FOXN3: variants seen among roughly 807,000 people sequenced by gnomAD.
The protein encoded by FOXN3 is forkhead box N3.
In FOXN3, 7 loss-of-function variants were observed where a neutral mutation model predicts 38.4. That is an observed-to-expected ratio of 0.18 (90% CI 0.10 to 0.34). The LOEUF (loss-of-function observed/expected upper bound fraction) is 0.34, where lower values mean the gene tolerates loss of function less well. Ranked by LOEUF, FOXN3 falls within the 10% of genes least tolerant of loss-of-function variation. FOXN3 has a pLI of 1.00. For synonymous variants in FOXN3, 230 were observed against 242.2 expected, an observed-to-expected ratio of 0.95 and a Z score of 0.47; for missense variants, 456 against 613.4, an observed-to-expected ratio of 0.74 and a Z score of 2.71.
chr14:89,298,272 G>C (rs1566950092), intron 3 of FOXN3, among the ~76,000 whole-genome samples: 1 of 152,104 alleles, frequency 6.6e-6, no homozygotes, highest in East Asian at 1.9e-4. Flanking sequence ...TGGTTGCCAG[G>C]AACTAGGTGG....
rs554257913 is a variant in FOXN3 at position 89,364,199 on chromosome 14, G to C, written c.544-13391C>G. Among the ~76,000 whole-genome samples, 5 of 150,214 alleles carry C rather than the reference G, an allele frequency of 3.3e-5. No individual in the cohort carries two copies. The East Asian group carries it at 9.7e-4, about 29-fold the overall frequency. On this transcript the variant is annotated intron_variant, in intron 2 of 5. Coordinates refer to ENST00000557258, the MANE Select transcript of FOXN3 (RefSeq NM_005197.4). The stretch of plus-strand genomic sequence containing the variant: ...ACTGATTACAAAGAATTTTTTTCTA[G>C]ATACCTTATTGTCTATTCCCATAAC...
At chr14:89,403,085 A>T (rs1596254621) in intron 2 of FOXN3, among the ~76,000 whole-genome samples, 1 of 152,336 alleles carries the variant, frequency 6.6e-6, no homozygotes, top group East Asian at 1.9e-4. Flanking sequence ...TGATCGGCAC[A>T]CTTCCAGTAC....
At chr14:89,170,813 A>G (rs1480405868) in intron 5 of FOXN3, among the ~76,000 whole-genome samples, 3 of 152,236 alleles carry the variant, frequency 2.0e-5, no homozygotes, top group Non-Finnish European at 4.4e-5. Flanking sequence ...TGGCAATTAG[A>G]AAATACTTAT....
chr14:89,490,167 CT>C (rs1471385120), intron 1 of FOXN3, among the ~76,000 whole-genome samples: 1 of 152,168 alleles, frequency 6.6e-6, no homozygotes, highest in Non-Finnish European at 1.5e-5. Context: ...TTTTTCCACT[CT>C]TTTTAAGGGT....
chr14:89,510,670 C>T (rs1278328037), intron 1 of FOXN3, among the ~76,000 whole-genome samples: 9 of 152,064 alleles, frequency 5.9e-5, no homozygotes, highest in Non-Finnish European at 1.0e-4. Flanking sequence ...AGACTAGGCA[C>T]GGTGGCTCAC....
intron 1 of FOXN3, among the ~76,000 whole-genome samples, chr14:89,551,645 G>A (rs1019354331): frequency 1.3e-5 from 2 of 152,050 alleles, no homozygotes; most frequent in South Asian, 2.1e-4. Flanking sequence ...TAGTCCCCTC[G>A]CGGCAGGTCC....
chr14:89,197,522 C>T (rs955557711), intron 4 of FOXN3, among the ~76,000 whole-genome samples: 22 of 151,302 alleles, frequency 1.5e-4, no homozygotes, highest in Non-Finnish European at 2.4e-4. Flanking sequence ...AAAAAGAGCA[C>T]GGGTACATGG....
chr14:89,436,843 CTGAACTTAAAAG>C (rs1210377217), intron 1 of FOXN3, among the ~76,000 whole-genome samples: 1 of 152,170 alleles, frequency 6.6e-6, no homozygotes, highest in Non-Finnish European at 1.5e-5. Flanking sequence ...TACATTATCA[CTGAACTTAAAAG>C]TATGGCTTAG....
intron 1 of FOXN3, among the ~76,000 whole-genome samples, chr14:89,569,200 G>A (rs1255133949): frequency 1.3e-5 from 2 of 148,882 alleles, no homozygotes; most frequent in Non-Finnish European, 3.0e-5. Flanking sequence ...GCGAGACTCC[G>A]TCTCAAAGAA....
At chr14:89,185,905 A>G (rs1362912981) in intron 4 of FOXN3, 1 of 152,334 alleles carries the variant, frequency 6.6e-6, no homozygotes, top group East Asian at 1.9e-4. Flanking sequence ...AAATGGGATA[A>G]CGCAATCCTG....
intron 1 of FOXN3, among the ~76,000 whole-genome samples, chr14:89,445,150 T>G (rs4904581): frequency 6.7e-6 from 1 of 149,970 alleles, no homozygotes; most frequent in South Asian, 2.1e-4. Flanking sequence ...TAAAATAAAA[T>G]AAAAAAAAGT....
At chr14:89,443,213 C>T (rs1018992985) in intron 1 of FOXN3, among the ~76,000 whole-genome samples, 2 of 152,190 alleles carry the variant, frequency 1.3e-5, no homozygotes, top group Non-Finnish European at 2.9e-5. Context: ...ACAGAATATG[C>T]ATTTTAAACG....
intron 3 of FOXN3, among the ~76,000 whole-genome samples, chr14:89,309,111 A>G (rs1887459295): frequency 6.6e-6 from 1 of 152,160 alleles, no homozygotes; most frequent in African/African-American, 2.4e-5. Flanking sequence ...TTATATTCAG[A>G]AATCCAAACT....
chr14:89,516,669 C>T (rs1596305101), intron 1 of FOXN3, among the ~76,000 whole-genome samples: 1 of 150,786 alleles, frequency 6.6e-6, no homozygotes, highest in South Asian at 2.1e-4. Flanking sequence ...TCAAGCTATC[C>T]TCTCACCTCA....
intron 2 of FOXN3, among the ~76,000 whole-genome samples, chr14:89,394,979 G>A (rs1481814266): frequency 6.6e-6 from 1 of 152,208 alleles, no homozygotes; most frequent in Non-Finnish European, 1.5e-5. Context: ...GCTATGGAAA[G>A]GCTCTTCTGC....
At chr14:89,317,892 T>C (rs916898723) in intron 3 of FOXN3, among the ~76,000 whole-genome samples, 1 of 149,742 alleles carries the variant, frequency 6.7e-6, no homozygotes, top group Non-Finnish European at 1.5e-5. Flanking sequence ...TACTGTGAAC[T>C]GCACATGTGA....
At chr14:89,439,511 A>G (rs1892334267) in intron 1 of FOXN3, among the ~76,000 whole-genome samples, 1 of 152,176 alleles carries the variant, frequency 6.6e-6, no homozygotes, top group South Asian at 2.1e-4. Context: ...CCATGGCAAC[A>G]TCAGGAAGTT....
Position 89,592,084 on chromosome 14 carries a change from A to C in FOXN3, c.-15+26944T>G, listed in dbSNP as rs543333495. Among the ~76,000 whole-genome samples the C allele has an allele frequency of 8.9e-4, 135 of 152,310 alleles. 1 individual carries two copies. Among genetic ancestry groups the C allele is most frequent in the African/African-American group, 3.1e-3 (130 of 41,578 alleles). Reference sequence around the variant, plus strand: ...CAAGAAACATTTAGGAAAAACTTAAAAGGTCTTGGAAATAAAACATATGAA... The same window carrying C: ...CAAGAAACATTTAGGAAAAACTTAACAGGTCTTGGAAATAAAACATATGAA... On this transcript the variant is annotated intron_variant, in intron 1 of 6. Transcript: ENST00000345097.
chr14:89,290,016 C>T (rs1886817137), intron 3 of FOXN3, among the ~76,000 whole-genome samples: 1 of 152,128 alleles, frequency 6.6e-6, no homozygotes, highest in South Asian at 2.1e-4. Context: ...ATCGCACACA[C>T]ACAGGCAAAT....
Sources: gnomAD v4.1 joint callset for allele counts (sites outside exome capture counted in the v4.1 genomes callset) on GRCh38, gnomAD v4.1.1 for gene constraint, MANE v1.5 for transcripts, NCBI Gene and HGNC (gene_info 2026-07-23, HGNC 2026-07-21) for gene names.